THADA: variants seen among roughly 807,000 people sequenced by gnomAD.
THADA encodes the protein THADA armadillo repeat containing.
In THADA, 213 loss-of-function variants were observed where a neutral mutation model predicts 219.8. That is an observed-to-expected ratio of 0.97 (90% CI 0.87 to 1.09). THADA has a LOEUF of 1.09. Ranked by LOEUF, THADA falls within the 50% of genes least tolerant of loss-of-function variation. The pLI is 0.00. For missense variants in THADA, 2,956 were observed against 2,311.3 expected (o/e 1.28, Z -5.72); for synonymous variants, 1,018 against 828.9 (o/e 1.23, Z -3.92).
At chr2:43,572,304 G>C (rs1300210403) in intron 12 of THADA, among the ~76,000 whole-genome samples, 1 of 152,158 alleles carries the variant, frequency 6.6e-6, no homozygotes, top group African/African-American at 2.4e-5. Flanking sequence ...ACCAGCTGGT[G>C]CCTGGGAACC....
At chr2:43,363,861 G>A (rs1007615548) in intron 29 of THADA, among the ~76,000 whole-genome samples, 7 of 152,180 alleles carry the variant, frequency 4.6e-5, no homozygotes, top group Non-Finnish European at 1.0e-4. Flanking sequence ...GGAGTTCAAA[G>A]CTGCAGTGAG....
At chr2:43,379,434 A>C (rs140275571) in intron 29 of THADA, among the ~76,000 whole-genome samples, 16 of 152,316 alleles carry the variant, frequency 1.1e-4, no homozygotes, top group African/African-American at 3.8e-4. Flanking sequence ...AATCATAATT[A>C]ATGTAAATGG....
chr2:43,491,803 T>C (rs1687670563), intron 25 of THADA, among the ~76,000 whole-genome samples: 1 of 152,150 alleles, frequency 6.6e-6, no homozygotes, highest in African/African-American at 2.4e-5. Flanking sequence ...AAGTAATGCA[T>C]GACTTTAATC....
chr2:43,357,461 G>A lies in THADA; in HGVS notation c.4228-13224C>T, dbSNP rs191648267. Among the ~76,000 whole-genome samples, 373 of 152,214 alleles carry A rather than the reference G, an allele frequency of 2.5e-3. 2 individuals are homozygous for A. The highest frequency in any genetic ancestry group is 6.8e-3 in the Middle Eastern group (2 of 294). ...GGGCAAAACCACGACTTGAAAGTCC[G>A]GCATTTGCTATCAAAATGGAAGACA... On this transcript the variant is annotated intron_variant, in intron 29 of 37. Coordinates refer to ENST00000405975, the MANE Select transcript of THADA (RefSeq NM_022065.5).
intron 22 of THADA, among the ~76,000 whole-genome samples, chr2:43,513,095 C>T (rs1690702429): frequency 6.6e-6 from 1 of 152,162 alleles, no homozygotes. Flanking sequence ...CTAAATTTCT[C>T]CATTTTCTCA....
At chr2:43,324,224 G>C (rs1173716893) in intron 30 of THADA, among the ~76,000 whole-genome samples, 1 of 152,192 alleles carries the variant, frequency 6.6e-6, no homozygotes, top group Non-Finnish European at 1.5e-5. Flanking sequence ...AAAATGAACA[G>C]AGGAAAGGTT....
chr2:43,381,959 G>A (rs1313082992), intron 29 of THADA, among the ~76,000 whole-genome samples: 1 of 152,150 alleles, frequency 6.6e-6, no homozygotes, highest in Non-Finnish European at 1.5e-5. Context: ...AATCACCTCA[G>A]TGGTCTTTCT....
intron 29 of THADA, among the ~76,000 whole-genome samples, chr2:43,393,846 T>C (rs1558688786): frequency 6.6e-6 from 1 of 152,178 alleles, no homozygotes; most frequent in Non-Finnish European, 1.5e-5. Flanking sequence ...TCAAATGGTA[T>C]ACATTTTCTT....
intron 26 of THADA, among the ~76,000 whole-genome samples, chr2:43,454,133 T>C (rs1489543709): frequency 6.6e-6 from 1 of 152,180 alleles, no homozygotes; most frequent in East Asian, 1.9e-4. Context: ...GCCTGCCAAC[T>C]TTTTTCTTTT....
intron 36 of THADA, among the ~76,000 whole-genome samples, chr2:43,271,448 A>G (rs1179985941): frequency 6.6e-6 from 1 of 152,172 alleles, no homozygotes; most frequent in Non-Finnish European, 1.5e-5. Flanking sequence ...TAGATCTGAA[A>G]AACACTAAGC....
At chr2:43,401,335 G>A (rs1037563296) in intron 28 of THADA, among the ~76,000 whole-genome samples, 20 of 152,192 alleles carry the variant, frequency 1.3e-4, no homozygotes, top group Non-Finnish European at 2.8e-4. Flanking sequence ...CTGGAGTGCA[G>A]TGGTGTGATC....
At chr2:43,301,510 C>T (rs1676263044) in intron 31 of THADA, among the ~76,000 whole-genome samples, 1 of 152,162 alleles carries the variant, frequency 6.6e-6, no homozygotes, top group Admixed American at 6.5e-5. Context: ...CCACAGGAAC[C>T]ATATTCCCCT....
rs1321163497 is a variant in THADA, at chr2:43,574,999, G to A, written c.1066C>T (p.Leu356=). Residue 356 remains leucine, a synonymous_variant, in exon 11 of 38, where the codon CTG becomes TTG. Transcript: ENST00000405975. The part of the protein sequence containing the change: ...QIKEPTLEMF[L]SRILASWTNS... ...GTCCAGGATGCTAAGATTCTAGACA[G>A]AAACATTTCCAGCGTTGGCTCTTTA... is the stretch of plus-strand genomic sequence containing the variant. 4 of 1,612,078 alleles carry A rather than the reference G, an allele frequency of 2.5e-6. No homozygotes were observed. Among genetic ancestry groups the A allele is most frequent in the East Asian group, 2.2e-5 (1 of 44,854 alleles).
intron 30 of THADA, among the ~76,000 whole-genome samples, chr2:43,322,230 A>G (rs1397203101): frequency 1.3e-5 from 2 of 151,936 alleles, no homozygotes; most frequent in Non-Finnish European, 2.9e-5. Context: ...TGGTCCAGGC[A>G]TGGTGGCTCA....
At chr2:43,469,088 G>C (rs1684607233) in intron 26 of THADA, among the ~76,000 whole-genome samples, 3 of 152,122 alleles carry the variant, frequency 2.0e-5, no homozygotes, top group Non-Finnish European at 4.4e-5. Context: ...GTCAGGTCAG[G>C]GAAAATTTCC....
chr2:43,502,045 G>A (rs990557177), intron 24 of THADA, among the ~76,000 whole-genome samples: 4 of 152,104 alleles, frequency 2.6e-5, no homozygotes, highest in Admixed American at 6.6e-5. Flanking sequence ...CATAACAGAC[G>A]CAGTATAAAT....
intron 35 of THADA, among the ~76,000 whole-genome samples, chr2:43,281,663 T>C (rs1321801247): frequency 2.0e-5 from 3 of 152,116 alleles, no homozygotes; most frequent in South Asian, 2.1e-4. Flanking sequence ...CTCAAACTCC[T>C]GACCTCAGGT....
intron 21 of THADA, among the ~76,000 whole-genome samples, chr2:43,535,830 G>GT (rs1169805027): frequency 6.6e-6 from 1 of 150,878 alleles, no homozygotes; most frequent in East Asian, 1.9e-4. Flanking sequence ...TTTTGTTTTT[G>GT]TTTGTTTTTG....
At chr2:43,542,122 T>A (rs747958806) in intron 20 of THADA, among the ~76,000 whole-genome samples, 11 of 152,226 alleles carry the variant, frequency 7.2e-5, no homozygotes, top group Non-Finnish European at 1.3e-4. Context: ...TACTGATATT[T>A]TTTTAAAATC....
Sources: allele counts gnomAD v4.1 joint callset (sites outside exome capture counted in the v4.1 genomes callset), GRCh38; gene constraint gnomAD v4.1.1; transcripts MANE v1.5; gene names NCBI Gene and HGNC (gene_info 2026-07-23, HGNC 2026-07-21).